Variants in DIS3L2 observed in about 807,000 individuals in gnomAD.
DIS3L2 encodes the protein DIS3-like exonuclease 2.
DIS3L2 carries 34 observed loss-of-function variants against 97.5 expected under a neutral mutation model. The ratio of observed to expected loss-of-function variants is 0.35; its 90% CI spans 0.27 to 0.46. The LOEUF is 0.46. DIS3L2 is among the 20% of genes least tolerant of loss of function. DIS3L2 has a pLI of 1.00. For missense variants in DIS3L2, 1,038 were observed against 1,146.0 expected (o/e 0.91, Z 1.36); for synonymous variants, 435 against 445.2 (o/e 0.98, Z 0.29).
chr2:232,080,184 G>C (rs1696346812), intron 5 of DIS3L2, among the ~76,000 whole-genome samples: 1 of 152,188 alleles, frequency 6.6e-6, no homozygotes, highest in African/African-American at 2.4e-5. Flanking sequence ...GGGAATGAGA[G>C]GGAGAGGGTC....
At chr2:232,298,739 A>G (rs1694782900) in intron 13 of DIS3L2, among the ~76,000 whole-genome samples, 1 of 152,208 alleles carries the variant, frequency 6.6e-6, no homozygotes, top group African/African-American at 2.4e-5. Flanking sequence ...TTTAGTTAAA[A>G]TCTCCCTAGT....
At chr2:232,195,669 C>T (rs1471894864) in intron 9 of DIS3L2, among the ~76,000 whole-genome samples, 1 of 151,960 alleles carries the variant, frequency 6.6e-6, no homozygotes, top group African/African-American at 2.4e-5. Flanking sequence ...CTAGGCTGGT[C>T]TGGAATTCCT....
rs74484407 is a variant in DIS3L2 at position 232,026,471 on chromosome 2, C to A, written c.264+2141C>A. On this transcript the variant is annotated intron_variant, in intron 4 of 20. Transcript: ENST00000325385. ...CCTTTCATGCCCAAACGTGGGCATC[C>A]TATCCCATGTATCTAAGCTATGTCC... Among the ~76,000 whole-genome samples the A allele has an allele frequency of 8.2e-3, 1,242 of 152,154 alleles. 10 individuals carry two copies. Among genetic ancestry groups the A allele is most frequent in the Non-Finnish European group, 0.013 (859 of 67,966 alleles).
chr2:232,074,571 CTTTT>C (rs66518544), intron 5 of DIS3L2, among the ~76,000 whole-genome samples: 16 of 104,148 alleles, frequency 1.5e-4, no homozygotes, highest in Admixed American at 2.3e-4. Flanking sequence ...ATCAAGGAAC[CTTTT>C]TTTTTTTTTT....
At chr2:232,004,245 G>A (rs1693987202) in intron 1 of DIS3L2, among the ~76,000 whole-genome samples, 1 of 151,974 alleles carries the variant, frequency 6.6e-6, no homozygotes, top group Non-Finnish European at 1.5e-5. Context: ...GCTAATTTTT[G>A]TATTTTTGGT....
At chr2:232,231,550 A>T (rs1402859050) in intron 10 of DIS3L2, among the ~76,000 whole-genome samples, 3 of 152,214 alleles carry the variant, frequency 2.0e-5, no homozygotes, top group Admixed American at 6.5e-5. Flanking sequence ...AGAGAGAAAA[A>T]AATAATAATA....
At chr2:232,003,845 G>A (rs747200587) in intron 1 of DIS3L2, among the ~76,000 whole-genome samples, 2 of 152,082 alleles carry the variant, frequency 1.3e-5, no homozygotes, top group African/African-American at 2.4e-5. Context: ...TCTGTTTGAG[G>A]TATTTCTTTT....
chr2:232,001,557 C>CTTTATTT (rs1693904265), intron 1 of DIS3L2, among the ~76,000 whole-genome samples: 1 of 61,920 alleles, frequency 1.6e-5, no homozygotes, highest in Admixed American at 1.6e-4. Flanking sequence ...TGCCATTTGT[C>CTTTATTT]TTTTTTTTTT....
At position 232,228,261 on chromosome 2, in the gene DIS3L2, C is replaced by T. The variant is rs1388497278; in HGVS notation, c.1205-10272C>T. 1.1e-4 allele frequency among the ~76,000 whole-genome samples: 17 copies of T among 152,294 alleles called. No individual in the cohort carries two copies. In the East Asian group the frequency reaches 2.3e-3, roughly 21 times the overall value. On this transcript the variant is annotated intron_variant, in intron 10 of 20. Transcript: ENST00000325385. ...GATTATAGGCGTGAGCCACCACACC[C>T]GGCTGGGACTTTTAAAAAATAGAAA...
chr2:232,147,282 A>T (rs768286210), intron 8 of DIS3L2, among the ~76,000 whole-genome samples: 2 of 152,118 alleles, frequency 1.3e-5, no homozygotes, highest in Non-Finnish European at 2.9e-5. Context: ...ATAAAAATAA[A>T]CTTTATGTTT....
intron 6 of DIS3L2, among the ~76,000 whole-genome samples, chr2:232,112,864 C>T (rs1206817171): frequency 6.6e-6 from 1 of 151,964 alleles, no homozygotes; most frequent in Non-Finnish European, 1.5e-5. Context: ...TTTCCTGGGC[C>T]TTGAAGGGTG....
At chr2:232,267,400 A>G (rs1693880290) in intron 13 of DIS3L2, among the ~76,000 whole-genome samples, 1 of 152,232 alleles carries the variant, frequency 6.6e-6, no homozygotes, top group South Asian at 2.1e-4. Context: ...TTAGAAAGCA[A>G]ATGCAGATAC....
At chr2:232,024,743 T>C (rs1013218918) in intron 4 of DIS3L2, among the ~76,000 whole-genome samples, 1 of 152,092 alleles carries the variant, frequency 6.6e-6, no homozygotes, top group Non-Finnish European at 1.5e-5. Flanking sequence ...AAAAATAACG[T>C]GTAATGCTTT....
chr2:231,972,635 C>T (rs1692955439), intron 1 of DIS3L2, among the ~76,000 whole-genome samples: 1 of 152,284 alleles, frequency 6.6e-6, no homozygotes, highest in East Asian at 1.9e-4. Context: ...CCTTTGCCTC[C>T]TGGGTTCAAG....
intron 5 of DIS3L2, among the ~76,000 whole-genome samples, chr2:232,055,569 C>A (rs545654143): frequency 3.2e-4 from 49 of 152,254 alleles, no homozygotes; most frequent in Non-Finnish European, 5.6e-4. Context: ...CTGCATTTAA[C>A]AGAATCCAAG....
intron 11 of DIS3L2, among the ~76,000 whole-genome samples, chr2:232,241,139 C>CCG (rs1484876989): frequency 6.6e-6 from 1 of 152,236 alleles, no homozygotes; most frequent in Non-Finnish European, 1.5e-5. Context: ...TTCCTTTGAA[C>CCG]CGCTGCTCTG....
At chr2:232,215,125 A>G (rs1418925780) in intron 10 of DIS3L2, among the ~76,000 whole-genome samples, 1 of 152,188 alleles carries the variant, frequency 6.6e-6, no homozygotes, top group African/African-American at 2.4e-5. Context: ...AAATAAACAT[A>G]TCCACTTATC....
chr2:232,208,095 A>G (rs1692080476), intron 9 of DIS3L2, among the ~76,000 whole-genome samples: 2 of 152,220 alleles, frequency 1.3e-5, no homozygotes, highest in Non-Finnish European at 2.9e-5. Flanking sequence ...AATAGTAAAC[A>G]TTAAAATTGA....
chr2:232,073,417 ACATGGGT>A (rs1364378715), intron 5 of DIS3L2, among the ~76,000 whole-genome samples: 2 of 152,228 alleles, frequency 1.3e-5, no homozygotes, highest in Non-Finnish European at 2.9e-5. Context: ...ATGTCTGTGG[ACATGGGT>A]ATATGTGAAT....
Sources: allele counts gnomAD v4.1 joint callset (sites outside exome capture counted in the v4.1 genomes callset), GRCh38; gene constraint gnomAD v4.1.1; transcripts MANE v1.5; gene names NCBI Gene and HGNC (gene_info 2026-07-23, HGNC 2026-07-21).